TMEM132C: variants seen among roughly 807,000 people sequenced by gnomAD.
TMEM132C encodes the protein protein phosphatase 1, regulatory subunit 152.
Under a neutral mutation model 61.4 loss-of-function variants are expected in TMEM132C, and 29 were observed. The observed-to-expected ratio is 0.47, with a 90% CI of 0.35 to 0.64. The LOEUF is 0.64. Among genes scored for constraint, TMEM132C ranks in the 30% least tolerant of loss-of-function variants. The pLI, the probability that TMEM132C is intolerant of heterozygous loss-of-function variation, is 0.00. For missense variants in TMEM132C, 1,408 were observed against 1,476.9 expected, an observed-to-expected ratio of 0.95 and a Z score of 0.76; for synonymous variants, 656 against 633.1, an observed-to-expected ratio of 1.04 and a Z score of -0.54.
chr12:128,606,564 C>T (rs1302370177), intron 3 of TMEM132C, among the ~76,000 whole-genome samples: 3 of 152,188 alleles, frequency 2.0e-5, no homozygotes, highest in Non-Finnish European at 4.4e-5. Flanking sequence ...GAAAACAGAC[C>T]TTCTGGCAAC....
intron 1 of TMEM132C, among the ~76,000 whole-genome samples, chr12:128,296,596 C>T (rs1266279294): frequency 6.6e-6 from 1 of 152,156 alleles, no homozygotes; most frequent in Non-Finnish European, 1.5e-5. Context: ...ATATTTAGAG[C>T]ACAGAGCCAT....
intron 4 of TMEM132C, among the ~76,000 whole-genome samples, chr12:128,626,659 G>A (rs1954020767): frequency 6.6e-6 from 1 of 151,860 alleles, no homozygotes; most frequent in Non-Finnish European, 1.5e-5. Context: ...TGGCCAGGCT[G>A]GTCTCAGATT....
At chr12:128,682,710 ACT>A (rs1954645775) in intron 5 of TMEM132C, among the ~76,000 whole-genome samples, 2 of 152,132 alleles carry the variant, frequency 1.3e-5, no homozygotes, top group Non-Finnish European at 1.5e-5. Context: ...GTGTGCACAC[ACT>A]CTGTCACAGT....
At chr12:128,390,757 G>A (rs924506999) in intron 1 of TMEM132C, among the ~76,000 whole-genome samples, 1 of 152,310 alleles carries the variant, frequency 6.6e-6, no homozygotes, top group South Asian at 2.1e-4. Flanking sequence ...TGGGGAAATG[G>A]GTCACAGCCT....
At chr12:128,584,944 A>G (rs1875486134) in intron 3 of TMEM132C, among the ~76,000 whole-genome samples, 1 of 152,196 alleles carries the variant, frequency 6.6e-6, no homozygotes, top group African/African-American at 2.4e-5. Context: ...TTAGGTCCCC[A>G]TCTGGTGCAG....
At chr12:128,390,511 G>C (rs1214658810) in intron 1 of TMEM132C, among the ~76,000 whole-genome samples, 1 of 152,126 alleles carries the variant, frequency 6.6e-6, no homozygotes, top group Admixed American at 6.5e-5. Context: ...AGGTTACATG[G>C]GGAGCACCCA....
At chr12:128,537,414 C>A (rs560060994) in intron 2 of TMEM132C, among the ~76,000 whole-genome samples, 1 of 152,312 alleles carries the variant, frequency 6.6e-6, no homozygotes, top group African/African-American at 2.4e-5. Flanking sequence ...ATCCAGCCTC[C>A]CATCCCATCA....
chr12:128,515,605 G>A (rs534311997), intron 2 of TMEM132C, among the ~76,000 whole-genome samples: 3 of 152,146 alleles, frequency 2.0e-5, no homozygotes, highest in South Asian at 2.1e-4. Context: ...AGGCCGAGGC[G>A]GGTGGATCAC....
At chr12:128,605,459 T>C (rs575461664) in intron 3 of TMEM132C, among the ~76,000 whole-genome samples, 1 of 152,212 alleles carries the variant, frequency 6.6e-6, no homozygotes, top group Admixed American at 6.5e-5. Flanking sequence ...TCAGCTGAGG[T>C]GTTAATTTCT....
chr12:128,333,979 G>C (rs1872731179), intron 1 of TMEM132C, among the ~76,000 whole-genome samples: 3 of 151,792 alleles, frequency 2.0e-5, no homozygotes. Context: ...TGTGTGGCCT[G>C]TGTGGTGTGT....
intron 3 of TMEM132C, among the ~76,000 whole-genome samples, chr12:128,577,992 T>A (rs1041024078): frequency 6.6e-6 from 1 of 152,258 alleles, no homozygotes; most frequent in East Asian, 1.9e-4. Flanking sequence ...TTAGTTTGTC[T>A]TGTATATTCA....
intron 3 of TMEM132C, among the ~76,000 whole-genome samples, chr12:128,615,536 C>G (rs147090440): frequency 1.3e-5 from 2 of 152,114 alleles, no homozygotes; most frequent in Admixed American, 1.3e-4. Flanking sequence ...TTTCATAAGG[C>G]GCACACAACC....
At chr12:128,382,012 G>C (rs1056693934) in intron 1 of TMEM132C, among the ~76,000 whole-genome samples, 7 of 151,692 alleles carry the variant, frequency 4.6e-5, no homozygotes, top group Admixed American at 1.3e-4. Flanking sequence ...CCTCCCCCAG[G>C]GATGTCCATT....
chr12:128,641,957 G>T (rs1954160928), intron 4 of TMEM132C, among the ~76,000 whole-genome samples: 1 of 142,302 alleles, frequency 7.0e-6, no homozygotes, highest in Non-Finnish European at 1.5e-5. Flanking sequence ...ACCATGCCCG[G>T]CTAATTTTTT....
At chr12:128,437,577 C>G (rs1044047283) in intron 2 of TMEM132C, among the ~76,000 whole-genome samples, 9 of 152,144 alleles carry the variant, frequency 5.9e-5, no homozygotes, top group African/African-American at 2.2e-4. Context: ...ATGTCTCTGC[C>G]TTTTCAAGGA....
At chr12:128,297,497 C>T (rs1267599167) in intron 1 of TMEM132C, among the ~76,000 whole-genome samples, 2 of 152,204 alleles carry the variant, frequency 1.3e-5, no homozygotes, top group Non-Finnish European at 2.9e-5. Flanking sequence ...GGGATAGTGA[C>T]TGTCTTGCCT....
At position 128,568,634 on chromosome 12, in the gene TMEM132C, G is replaced by A. The variant is rs570935186; in HGVS notation, c.1121+24531G>A. On this transcript the variant is annotated intron_variant, in intron 3 of 8. Coordinates refer to ENST00000435159, the MANE Select transcript of TMEM132C (RefSeq NM_001136103.3). ...TGCTCCAAGGTCACACAGCTGGCAA[G>A]TGGCAGAGTGGGGATTTCAACTAGC... Among the ~76,000 whole-genome samples, 6 of 152,290 alleles carry A rather than the reference G, an allele frequency of 3.9e-5. No homozygotes were observed. The South Asian group carries it at 1.2e-3, about 32-fold the overall frequency.
At chr12:128,362,062 A>C (rs2398406) in intron 1 of TMEM132C, among the ~76,000 whole-genome samples, 177 of 148,384 alleles carry the variant, frequency 1.2e-3, no homozygotes, top group African/African-American at 4.2e-3. Flanking sequence ...TTCTTTTTAG[A>C]TATCATCAGC....
intron 1 of TMEM132C, among the ~76,000 whole-genome samples, chr12:128,367,676 T>C (rs1250497619): frequency 6.6e-6 from 1 of 151,926 alleles, no homozygotes; most frequent in African/African-American, 2.4e-5. Flanking sequence ...GAAATGAGGC[T>C]AGTCCAAACT....
Sources: gnomAD v4.1 joint callset for allele counts (sites outside exome capture counted in the v4.1 genomes callset) on GRCh38, gnomAD v4.1.1 for gene constraint, MANE v1.5 for transcripts, NCBI Gene and HGNC (gene_info 2026-07-23, HGNC 2026-07-21) for gene names.